Variants in USH2A observed in about 807,000 individuals in gnomAD.
USH2A encodes the protein usherin.
Under a neutral mutation model 538.9 loss-of-function variants are expected in USH2A, and 443 were observed. The ratio of observed to expected loss-of-function variants is 0.82; its 90% CI spans 0.76 to 0.89. The LOEUF (loss-of-function observed/expected upper bound fraction) is 0.89. Ranked by LOEUF, USH2A falls within the 40% of genes least tolerant of loss-of-function variation. The probability of loss-of-function intolerance (pLI) is 0.00; values close to 1 mark genes in which losing one functional copy is unlikely to be tolerated. For synonymous variants in USH2A, 2,413 were observed against 2,273.5 expected (o/e 1.06, Z -1.75); for missense variants, 6,633 against 6,324.8 (o/e 1.05, Z -1.65).
At chr1:215,853,916 C>A (rs1664087441) in intron 44 of USH2A, among the ~76,000 whole-genome samples, 1 of 152,174 alleles carries the variant, frequency 6.6e-6, no homozygotes, top group Non-Finnish European at 1.5e-5. Context: ...CCAAACTTTC[C>A]CACATTTTCC....
intron 11 of USH2A, among the ~76,000 whole-genome samples, chr1:216,258,006 A>G (rs1424803477): frequency 6.6e-6 from 1 of 152,022 alleles, no homozygotes; most frequent in African/African-American, 2.4e-5. Flanking sequence ...AACATTTCTC[A>G]CAATTCTGGA....
chr1:215,938,555 T>C (rs998487783), intron 37 of USH2A, among the ~76,000 whole-genome samples: 2 of 152,102 alleles, frequency 1.3e-5, no homozygotes, highest in Admixed American at 6.6e-5. Context: ...AAATCAAGCT[T>C]GAAAATGTGA....
chr1:216,194,975 T>C (rs1388719626), intron 19 of USH2A, among the ~76,000 whole-genome samples: 2 of 152,054 alleles, frequency 1.3e-5, no homozygotes, highest in Non-Finnish European at 2.9e-5. Flanking sequence ...AAGGCACACA[T>C]AGAAAGAGAA....
chr1:215,796,760 G>T (rs11120633), intron 50 of USH2A, among the ~76,000 whole-genome samples: 44,753 of 151,966 alleles, frequency 0.29, 7,729 homozygotes, highest in African/African-American at 0.47. Context: ...GAAGGCATGT[G>T]GAAAGCCAAG....
chr1:215,965,212 C>A, intron 37 of USH2A, 105 bp downstream of exon 37: 3 of 1,295,976 alleles, frequency 2.3e-6, no homozygotes, highest in Non-Finnish European at 3.2e-6. Flanking sequence ...ATAAAGAAAC[C>A]AACATCTGTG....
In USH2A at chr1:216,048,605, G is replaced by A. The variant is rs752381384; in HGVS notation, c.6092C>T (p.Thr2031Ile). ...GCCAGCCAAAGTGCAAGCAGTTAGGGTTACTGCATAGTTTTTGAAGGGTAG... is the reference window on the plus strand; with the variant it reads ...GCCAGCCAAAGTGCAAGCAGTTAGGATTACTGCATAGTTTTTGAAGGGTAG... The part of the protein sequence containing the change: ...GLLPFKNYAV[T>I]LTACTLAGCT... Residue 2031 changes from threonine (T) to isoleucine (I), a missense_variant, in exon 31 of 72, where the codon ACC (threonine) becomes ATC (isoleucine). Physicochemically the swap from Thr to Ile is moderately conservative, Grantham distance 89. Transcript: ENST00000307340. 1.2e-6 allele frequency: 2 copies of A among 1,614,054 alleles called. No homozygotes were observed. The highest frequency in any genetic ancestry group is 1.7e-6 in the Non-Finnish European group (2 of 1,179,986).
rs771924569 is a variant in USH2A, at chr1:216,198,437, G to T, written c.3959C>A (p.Pro1320His). 12 of 1,614,000 alleles carry T rather than the reference G, an allele frequency of 7.4e-6. No homozygotes were observed. Among genetic ancestry groups the T allele is most frequent in the Non-Finnish European group, 1.0e-5 (12 of 1,179,966 alleles). Residue 1320 changes from proline to histidine, a missense_variant, in exon 18 of 72, where the codon CCT (proline) becomes CAT (histidine). Pro to His is a moderately conservative substitution (Grantham distance 77). Transcript: ENST00000307340. ...GCCAGTGATGGTTGTCATTGTTTGA[G>T]GAGGTTTTAATGCATTTTCATTGGC... ...ESANENALKP[P>H]QTMTTITGLE...
chr1:216,102,971 G>A (rs2032628433), intron 21 of USH2A, among the ~76,000 whole-genome samples: 1 of 152,086 alleles, frequency 6.6e-6, no homozygotes, highest in Admixed American at 6.5e-5. Context: ...ACATACACAC[G>A]TGTCACTCAA....
At chr1:215,936,013 C>A (rs1006138366) in intron 37 of USH2A, among the ~76,000 whole-genome samples, 1 of 151,870 alleles carries the variant, frequency 6.6e-6, no homozygotes, top group Admixed American at 6.6e-5. Flanking sequence ...TCACTGCACT[C>A]CAGCTTGGGT....
At chr1:216,350,898 G>A (rs1171249847) in intron 4 of USH2A, among the ~76,000 whole-genome samples, 1 of 151,888 alleles carries the variant, frequency 6.6e-6, no homozygotes, top group Non-Finnish European at 1.5e-5. Flanking sequence ...CCCTAATAGA[G>A]GTTCTAGGGC....
chr1:215,702,453 C>T (rs1035657797), intron 61 of USH2A, among the ~76,000 whole-genome samples: 4 of 152,152 alleles, frequency 2.6e-5, no homozygotes, highest in Admixed American at 2.6e-4. Context: ...TTTTCAGGTA[C>T]ACCAATTAAA....
At chr1:215,981,203 G>A (rs1667744807) in intron 35 of USH2A, among the ~76,000 whole-genome samples, 2 of 151,962 alleles carry the variant, frequency 1.3e-5, no homozygotes, top group South Asian at 4.1e-4. Context: ...ATTTTCTTAT[G>A]TTTATCAGAC....
intron 64 of USH2A, 146 bp from the exon 65 acceptor site, chr1:215,650,947 T>G: frequency 1.2e-6 from 1 of 851,320 alleles, no homozygotes; most frequent in African/African-American, 1.7e-5. Flanking sequence ...CTTGCAACCT[T>G]GTAATCACAC....
chr1:215,812,664 T>C (rs557684958), intron 49 of USH2A, among the ~76,000 whole-genome samples: 22 of 152,300 alleles, frequency 1.4e-4, no homozygotes, highest in African/African-American at 4.6e-4. Flanking sequence ...CTATATCCAT[T>C]TCCTGCTCTT....
intron 22 of USH2A, among the ~76,000 whole-genome samples, chr1:216,089,802 A>G (rs2032249845): frequency 6.6e-6 from 1 of 151,384 alleles, no homozygotes; most frequent in East Asian, 1.9e-4. Context: ...GAGTTTAGCA[A>G]ATAGGAGGTA....
Position 215,634,475 on chromosome 1 carries a change from G to C in USH2A, c.15281C>G (p.Pro5094Arg). 1 of 1,614,162 alleles carries C rather than the reference G, an allele frequency of 6.2e-7. No individual in the cohort carries two copies. The highest frequency in any genetic ancestry group is 8.5e-7 in the Non-Finnish European group (1 of 1,180,016). The change falls in exon 70 of 72, where the codon CCG becomes CGG. Residue 5094 changes from proline to arginine, a missense_variant. Physicochemically the swap from Pro to Arg is moderately radical, Grantham distance 103 (BLOSUM62 -2). Coordinates refer to ENST00000307340, the MANE Select transcript of USH2A (RefSeq NM_206933.4). ...KRMSPLNVYPPGENHMGLADT... is the reference protein window; with the variant it reads ...KRMSPLNVYPRGENHMGLADT... Reference sequence around the variant, plus strand: ...CAAACATACCATATGGTTTTCCCCCGGTGGGTAAACATTCAATGGAGACAT... The same window carrying C: ...CAAACATACCATATGGTTTTCCCCCCGTGGGTAAACATTCAATGGAGACAT...
intron 64 of USH2A, among the ~76,000 whole-genome samples, chr1:215,661,072 T>C (rs967257597): frequency 7.9e-5 from 12 of 152,226 alleles, no homozygotes; most frequent in African/African-American, 2.7e-4. Flanking sequence ...TCAATAATCA[T>C]AGATTGACAA....
chr1:215,934,847 C>T (rs768359113), intron 37 of USH2A, 52 bp from the exon 38 acceptor site: 3 of 1,495,772 alleles, frequency 2.0e-6, no homozygotes, highest in Non-Finnish European at 2.7e-6. Context: ...GAATTCATTC[C>T]TGCTATTATT....
chr1:215,788,566 AC>A (rs1661870101), intron 51 of USH2A, among the ~76,000 whole-genome samples: 3 of 152,310 alleles, frequency 2.0e-5, no homozygotes, highest in South Asian at 2.1e-4. Context: ...AAAATGGAAA[AC>A]AAAATGCAAA....
Sources: allele counts gnomAD v4.1 joint callset (sites outside exome capture counted in the v4.1 genomes callset), GRCh38; gene constraint gnomAD v4.1.1; transcripts MANE v1.5; gene names NCBI Gene and HGNC (gene_info 2026-07-23, HGNC 2026-07-21).